Variants in CCDC178 observed in about 807,000 individuals in gnomAD.
CCDC178 encodes coiled-coil domain containing 178.
Under a neutral mutation model 117.4 loss-of-function variants are expected in CCDC178, and 126 were observed. The ratio of observed to expected loss-of-function variants is 1.07; its 90% CI spans 0.93 to 1.24. The LOEUF (loss-of-function observed/expected upper bound fraction) is 1.24, where lower values mean the gene tolerates loss of function less well. CCDC178 is among the 50% of genes most tolerant of loss of function. The probability of loss-of-function intolerance (pLI) is 0.00; values close to 1 mark genes in which losing one functional copy is unlikely to be tolerated. For missense variants in CCDC178, 1,030 were observed against 986.9 expected (o/e 1.04, Z -0.59); for synonymous variants, 283 against 313.4 (o/e 0.90, Z 1.02).
chr18:33,440,285 TGGG>T (rs2064362246), intron 1 of CCDC178, among the ~76,000 whole-genome samples: 143 of 18,618 alleles, frequency 7.7e-3, no homozygotes, highest in African/African-American at 0.027. Context: ...CCCCCGGCAG[TGGG>T]GACTGGGGGA....
chr18:33,002,434 C>G (rs986010742), intron 21 of CCDC178, among the ~76,000 whole-genome samples: 2 of 151,086 alleles, frequency 1.3e-5, no homozygotes. Context: ...TCCTAAATGA[C>G]CAGTGGGTCA....
At chr18:33,371,271 A>G (rs1037286264) in intron 5 of CCDC178, among the ~76,000 whole-genome samples, 7 of 141,596 alleles carry the variant, frequency 4.9e-5, no homozygotes, top group African/African-American at 1.7e-4. Flanking sequence ...TCTCTCTCAT[A>G]TATGTGTGTG....
chr18:33,047,558 C>T (rs956977719), intron 21 of CCDC178, among the ~76,000 whole-genome samples: 4 of 152,032 alleles, frequency 2.6e-5, no homozygotes, highest in Non-Finnish European at 5.9e-5. Context: ...TTTTTTCTGG[C>T]CAAATATTGC....
At chr18:33,311,144 A>G (rs1235781199) in intron 11 of CCDC178, among the ~76,000 whole-genome samples, 1 of 152,198 alleles carries the variant, frequency 6.6e-6, no homozygotes, top group African/African-American at 2.4e-5. Flanking sequence ...CCTTTGGTAC[A>G]TTCTCCTCAC....
chr18:33,362,130 T>G (rs557161884), intron 6 of CCDC178, among the ~76,000 whole-genome samples: 1 of 150,898 alleles, frequency 6.6e-6, no homozygotes, highest in Non-Finnish European at 1.5e-5. Flanking sequence ...CATACACGCA[T>G]GTATGCATGT....
intron 14 of CCDC178, among the ~76,000 whole-genome samples, chr18:33,266,027 T>C (rs1396797142): frequency 6.6e-6 from 1 of 152,018 alleles, no homozygotes; most frequent in Non-Finnish European, 1.5e-5. Flanking sequence ...AGTATAGTAG[T>C]TGCAGGAAAA....
intron 21 of CCDC178, among the ~76,000 whole-genome samples, chr18:33,073,220 T>A (rs2145003634): frequency 6.6e-6 from 1 of 151,932 alleles, no homozygotes; most frequent in South Asian, 2.1e-4. Flanking sequence ...TTGCTGACTT[T>A]TGGAATGTAG....
At chr18:33,150,219 C>G (rs1260967894) in intron 20 of CCDC178, among the ~76,000 whole-genome samples, 1 of 152,122 alleles carries the variant, frequency 6.6e-6, no homozygotes, top group Non-Finnish European at 1.5e-5. Flanking sequence ...CATCTCCCAC[C>G]TTATACAAAA....
chr18:32,960,456 T>C (rs912156394), intron 22 of CCDC178, among the ~76,000 whole-genome samples: 2 of 152,080 alleles, frequency 1.3e-5, no homozygotes, highest in African/African-American at 4.8e-5. Context: ...CAACAGTCAA[T>C]ATTTGAAAAA....
chr18:32,991,667 C>T (rs2055396638), intron 21 of CCDC178, among the ~76,000 whole-genome samples: 1 of 152,138 alleles, frequency 6.6e-6, no homozygotes, highest in Non-Finnish European at 1.5e-5. Flanking sequence ...CTCATGTCTC[C>T]ATGCTGTCTC....
chr18:33,036,330 C>T (rs918220912), intron 21 of CCDC178, among the ~76,000 whole-genome samples: 1 of 151,648 alleles, frequency 6.6e-6, no homozygotes, highest in Non-Finnish European at 1.5e-5. Flanking sequence ...ATATACTCAT[C>T]AATTATTCGT....
chr18:32,987,400 T>A (rs1229762700), intron 21 of CCDC178, among the ~76,000 whole-genome samples: 1 of 152,026 alleles, frequency 6.6e-6, no homozygotes, highest in Non-Finnish European at 1.5e-5. Context: ...AGATTACTCA[T>A]ATCCATATAT....
chr18:33,238,576 G>A (rs1312573633), intron 15 of CCDC178, among the ~76,000 whole-genome samples: 1 of 152,072 alleles, frequency 6.6e-6, no homozygotes, highest in African/African-American at 2.4e-5. Context: ...TGAACCTGAA[G>A]ACAAGTCTTT....
intron 22 of CCDC178, 136 bp from the exon 23 acceptor site, chr18:32,938,227 T>TACCATAA: frequency 3.1e-6 from 2 of 641,562 alleles, no homozygotes; most frequent in Non-Finnish European, 5.5e-6. Context: ...TTCTCCTTTA[T>TACCATAA]AGGAGACAAA....
At chr18:32,961,930 AT>A (rs2054712664) in intron 22 of CCDC178, among the ~76,000 whole-genome samples, 1 of 151,680 alleles carries the variant, frequency 6.6e-6, no homozygotes, top group Admixed American at 6.6e-5. Flanking sequence ...ATGTGCTTGG[AT>A]TTAGATCTAT....
intron 21 of CCDC178, among the ~76,000 whole-genome samples, chr18:33,092,080 A>G (rs1480566208): frequency 6.6e-6 from 1 of 152,228 alleles, no homozygotes; most frequent in Non-Finnish European, 1.5e-5. Flanking sequence ...TTATTAAAAA[A>G]TAATGACTGT....
intron 21 of CCDC178, among the ~76,000 whole-genome samples, chr18:33,048,320 T>C (rs2056683031): frequency 6.6e-6 from 1 of 152,192 alleles, no homozygotes. Context: ...AGTATGCTTA[T>C]ACCATCATAT....
At chr18:32,981,042 C>A (rs1311961381) in intron 21 of CCDC178, among the ~76,000 whole-genome samples, 6 of 151,998 alleles carry the variant, frequency 3.9e-5, no homozygotes, top group Non-Finnish European at 8.8e-5. Context: ...TAAACCACAG[C>A]ATTTAAAATA....
chr18:33,229,666 C>G (rs1379873576), intron 15 of CCDC178, among the ~76,000 whole-genome samples: 2 of 152,118 alleles, frequency 1.3e-5, no homozygotes. Context: ...TATGTAGGAA[C>G]CCTCAAAGTT....
Sources: gnomAD v4.1 joint callset for allele counts (sites outside exome capture counted in the v4.1 genomes callset) on GRCh38, gnomAD v4.1.1 for gene constraint, MANE v1.5 for transcripts, NCBI Gene and HGNC (gene_info 2026-07-23, HGNC 2026-07-21) for gene names.